SND1: variants seen among roughly 807,000 people sequenced by gnomAD.
SND1 encodes the protein staphylococcal nuclease domain-containing protein 1.
A neutral mutation model predicts 121.7 loss-of-function variants in SND1; 38 were observed. The ratio of observed to expected loss-of-function variants is 0.31; its 90% CI spans 0.24 to 0.41. The LOEUF (loss-of-function observed/expected upper bound fraction) is 0.41, where lower values mean the gene tolerates loss of function less well. Ranked by LOEUF, SND1 falls within the 10% of genes least tolerant of loss-of-function variation. The probability of loss-of-function intolerance (pLI) is 1.00; values close to 1 mark genes in which losing one functional copy is unlikely to be tolerated. For synonymous variants in SND1, 401 were observed against 447.4 expected (o/e 0.90, Z 1.31); for missense variants, 868 against 1,184.6 (o/e 0.73, Z 3.92).
In SND1 at chr7:128,029,481, G is replaced by A. The variant is rs753239961; in HGVS notation, c.1779+38425G>A. ...GGCGTGGCTGAGCACTGTCCCATTGGGCAGCAACCACTTCACGGAGGACAT... is the reference window on the plus strand; with the variant it reads ...GGCGTGGCTGAGCACTGTCCCATTGAGCAGCAACCACTTCACGGAGGACAT... On this transcript the variant is annotated intron_variant, in intron 16 of 23. Coordinates refer to ENST00000354725, the MANE Select transcript of SND1 (RefSeq NM_014390.4). This position sits in a 1 kb window ranked among gnomAD's most constrained non-coding sequence, Gnocchi z 4.2. The A allele has an allele frequency of 3.1e-6, 5 of 1,614,040 alleles. No homozygotes were observed. Among genetic ancestry groups the A allele is most frequent in the Non-Finnish European group, 4.2e-6 (5 of 1,180,042 alleles).
At chr7:128,043,863 T>TACACAC (rs10591985) in intron 16 of SND1, among the ~76,000 whole-genome samples, 3 of 149,570 alleles carry the variant, frequency 2.0e-5, no homozygotes, top group South Asian at 2.1e-4. Flanking sequence ...TATACACATA[T>TACACAC]ACACACACAC....
chr7:127,754,499 A>C (rs1797159090), intron 10 of SND1, among the ~76,000 whole-genome samples: 1 of 152,032 alleles, frequency 6.6e-6, no homozygotes, highest in South Asian at 2.1e-4. Context: ...CTTTTCCTTC[A>C]CTTTGGGATC....
intron 10 of SND1, among the ~76,000 whole-genome samples, chr7:127,774,607 CTT>C (rs1232350801): frequency 6.7e-6 from 1 of 148,398 alleles, no homozygotes; most frequent in African/African-American, 2.5e-5. Context: ...GAGACGGAGT[CTT>C]TCTCTGTCGC....
chr7:127,973,977 G>A (rs1373827683), intron 15 of SND1, among the ~76,000 whole-genome samples: 2 of 152,220 alleles, frequency 1.3e-5, no homozygotes, highest in Non-Finnish European at 2.9e-5. Flanking sequence ...GGGACAGGGA[G>A]GTTGAAAACC....
intron 1 of SND1, among the ~76,000 whole-genome samples, chr7:127,657,681 A>G (rs563736324): frequency 6.6e-6 from 1 of 151,338 alleles, no homozygotes; most frequent in Non-Finnish European, 1.5e-5. Context: ...TCTTTTTTGT[A>G]GAAATGGGGT....
chr7:127,679,477 C>T (rs990151131), intron 1 of SND1, among the ~76,000 whole-genome samples: 6 of 152,024 alleles, frequency 3.9e-5, no homozygotes, highest in African/African-American at 1.4e-4. Flanking sequence ...AAAGTTGACA[C>T]TTTTAAAGTA....
chr7:127,730,804 T>C (rs974140140), intron 10 of SND1, among the ~76,000 whole-genome samples: 5 of 152,232 alleles, frequency 3.3e-5, no homozygotes, highest in African/African-American at 1.2e-4. Context: ...TGGGGGCCTT[T>C]ACTCATTATT....
chr7:127,979,654 C>CT (rs1385177666), intron 15 of SND1, among the ~76,000 whole-genome samples: 2 of 152,136 alleles, frequency 1.3e-5, no homozygotes, highest in African/African-American at 4.8e-5. Context: ...GGAAGTTAAA[C>CT]TTTAAAATGA....
chr7:127,730,597 G>T (rs1000546527), intron 10 of SND1, among the ~76,000 whole-genome samples: 1 of 152,190 alleles, frequency 6.6e-6, no homozygotes, highest in Non-Finnish European at 1.5e-5. Flanking sequence ...GCTGGTTCTG[G>T]ATAGCCCACA....
At chr7:127,850,629 GT>G (rs200789190) in intron 12 of SND1, among the ~76,000 whole-genome samples, 1 of 152,134 alleles carries the variant, frequency 6.6e-6, no homozygotes, top group East Asian at 1.9e-4. Flanking sequence ...GAGGGTTGTT[GT>G]TTTTTTCCAC....
chr7:127,898,561 C>T (rs1434758837), intron 13 of SND1, among the ~76,000 whole-genome samples: 1 of 152,142 alleles, frequency 6.6e-6, no homozygotes, highest in African/African-American at 2.4e-5. Context: ...TTGGTTCATG[C>T]TGAAAAACCA....
chr7:127,707,995 T>G (rs1796231146), intron 9 of SND1, among the ~76,000 whole-genome samples: 1 of 152,180 alleles, frequency 6.6e-6, no homozygotes, highest in Non-Finnish European at 1.5e-5. Context: ...CTGGGTCGAC[T>G]TAAGATATTT....
chr7:127,862,722 G>A (rs772549010), intron 12 of SND1, among the ~76,000 whole-genome samples: 2 of 152,204 alleles, frequency 1.3e-5, no homozygotes, highest in Non-Finnish European at 2.9e-5. Flanking sequence ...TCTTGCCTCT[G>A]TAGTGGCATG....
intron 14 of SND1, among the ~76,000 whole-genome samples, chr7:127,922,317 T>A (rs1800737481): frequency 6.6e-6 from 1 of 151,618 alleles, no homozygotes; most frequent in African/African-American, 2.4e-5. Flanking sequence ...CGTGCCTGGC[T>A]CAGACCATTT....
At chr7:127,959,332 C>T (rs966914658) in intron 15 of SND1, among the ~76,000 whole-genome samples, 2 of 152,192 alleles carry the variant, frequency 1.3e-5, no homozygotes, top group Non-Finnish European at 2.9e-5. Context: ...TTTTTATATA[C>T]ACATTCCTAC....
At chr7:127,798,317 G>A (rs1277072793) in intron 10 of SND1, among the ~76,000 whole-genome samples, 2 of 152,200 alleles carry the variant, frequency 1.3e-5, no homozygotes, top group African/African-American at 2.4e-5. Context: ...ACTGTGGCTA[G>A]TGTGGGTCCA....
chr7:127,853,663 C>T (rs1265561983), intron 12 of SND1, among the ~76,000 whole-genome samples: 2 of 152,164 alleles, frequency 1.3e-5, no homozygotes, highest in Non-Finnish European at 2.9e-5. Context: ...CTTGTTTTTA[C>T]TAGTGCCTGG....
At chr7:127,796,864 T>C (rs1411942160) in intron 10 of SND1, among the ~76,000 whole-genome samples, 2 of 150,420 alleles carry the variant, frequency 1.3e-5, no homozygotes, top group Non-Finnish European at 3.0e-5. Context: ...CATAAGTAAG[T>C]CCAGATAATT....
At chr7:127,934,603 G>T (rs978311157) in intron 15 of SND1, among the ~76,000 whole-genome samples, 1 of 152,028 alleles carries the variant, frequency 6.6e-6, no homozygotes, top group African/African-American at 2.4e-5. Context: ...TCTCTTTTTG[G>T]TCAGGAGTGG....
Sources: allele counts gnomAD v4.1 joint callset (sites outside exome capture counted in the v4.1 genomes callset), GRCh38; gene constraint gnomAD v4.1.1; non-coding constraint Gnocchi (gnomAD v3.1); transcripts MANE v1.5; gene names NCBI Gene and HGNC (gene_info 2026-07-23, HGNC 2026-07-21).